Variants in TUSC3 observed in about 807,000 individuals in gnomAD.
The protein encoded by TUSC3 is dolichyl-diphosphooligosaccharide--protein glycosyltransferase subunit TUSC3.
Under a neutral mutation model 44.8 loss-of-function variants are expected in TUSC3, and 45 were observed. The ratio of observed to expected loss-of-function variants is 1.00; its 90% confidence interval spans 0.79 to 1.29. The LOEUF (loss-of-function observed/expected upper bound fraction) is 1.29, where lower values mean the gene tolerates loss of function less well. Ranked by LOEUF, TUSC3 falls within the 50% of genes most tolerant of loss-of-function variation. TUSC3 has a pLI of 0.00. For missense variants in TUSC3, 519 were observed against 437.9 expected (o/e 1.19, Z -1.65); for synonymous variants, 212 against 152.9 (o/e 1.39, Z -2.85).
chr8:15,550,158 C>G (rs934599130), intron 1 of TUSC3, among the ~76,000 whole-genome samples: 1 of 151,680 alleles, frequency 6.6e-6, no homozygotes, highest in Non-Finnish European at 1.5e-5. Context: ...GGTCAGGGGT[C>G]GTTCTTTAAC....
At chr8:15,615,806 C>T (rs1321530133) in intron 1 of TUSC3, among the ~76,000 whole-genome samples, 3 of 151,892 alleles carry the variant, frequency 2.0e-5, no homozygotes, top group African/African-American at 4.8e-5. Context: ...TAAAATACTA[C>T]AAAAATGAGT....
intron 6 of TUSC3, among the ~76,000 whole-genome samples, chr8:15,727,995 T>C (rs1367963060): frequency 1.3e-5 from 2 of 152,194 alleles, no homozygotes; most frequent in African/African-American, 4.8e-5. Context: ...GCCTTATGTA[T>C]ACAAGAAATA....
chr8:15,831,297 T>A, the TUSC3 span, among the ~76,000 whole-genome samples: 13 of 151,922 alleles, frequency 8.6e-5, no homozygotes, highest in Non-Finnish European at 1.6e-4. Context: ...AGAAAAAACA[T>A]CCAAAGGTCA....
the TUSC3 span, among the ~76,000 whole-genome samples, chr8:15,774,838 G>A: frequency 3.3e-5 from 5 of 151,958 alleles, no homozygotes; most frequent in African/African-American, 9.7e-5. Flanking sequence ...GAAAATGTTG[G>A]TGCAGATGTG....
rs1013605044 is a variant in TUSC3, at chr8:15,571,430, A to G, written c.138+30862A>G. Among the ~76,000 whole-genome samples, 16 of 152,306 alleles carry G rather than the reference A, an allele frequency of 1.1e-4. No individual in the cohort carries two copies. The East Asian group carries it at 2.7e-3, about 26-fold the overall frequency. The stretch of plus-strand genomic sequence containing the variant: ...TTAGGTTTACACTGTATTGTTGTCT[A>G]TTAAATGTGCAATAGCACTCTGTCT... On this transcript the variant is annotated intron_variant, in intron 1 of 10. Coordinates refer to ENST00000503731, the MANE Select transcript of TUSC3 (RefSeq NM_006765.4).
chr8:15,575,997 T>C (rs192171253), intron 1 of TUSC3, among the ~76,000 whole-genome samples: 1 of 152,070 alleles, frequency 6.6e-6, no homozygotes, highest in Non-Finnish European at 1.5e-5. Flanking sequence ...TATAACTGTT[T>C]CACATTTTGA....
rs184475438 is a variant in TUSC3 at position 15,683,338 on chromosome 8, C to T, written c.798+9502C>T. Reference sequence around the variant, plus strand: ...TATTTCTCAGAGGCTTTGTTCATTTCTTAAAATTATTTTTTCTTTATTTTT... The same window carrying T: ...TATTTCTCAGAGGCTTTGTTCATTTTTTAAAATTATTTTTTCTTTATTTTT... On this transcript the variant is annotated intron_variant, in intron 6 of 10. Transcript: ENST00000503731. 4.4e-3 allele frequency among the ~76,000 whole-genome samples: 664 copies of T among 152,154 alleles called. 3 individuals carry two copies. The highest frequency in any genetic ancestry group is 7.4e-3 in the Non-Finnish European group (500 of 67,970).
chr8:15,509,103 A>T (rs905884150), intron 2 of TUSC3, among the ~76,000 whole-genome samples: 1 of 152,190 alleles, frequency 6.6e-6, no homozygotes, highest in Non-Finnish European at 1.5e-5. Flanking sequence ...GAGAGAAAAA[A>T]GAATAGCTGA....
At chr8:15,632,352 A>AGG (rs1381629704) in intron 2 of TUSC3, among the ~76,000 whole-genome samples, 1 of 152,164 alleles carries the variant, frequency 6.6e-6, no homozygotes, top group East Asian at 1.9e-4. Context: ...ATTATATTCA[A>AGG]GGGAAGAGTA....
At chr8:15,741,432 G>T (rs1038218729) in intron 7 of TUSC3, among the ~76,000 whole-genome samples, 3 of 152,142 alleles carry the variant, frequency 2.0e-5, no homozygotes, top group Non-Finnish European at 4.4e-5. Flanking sequence ...ATAGTAGCTG[G>T]GCGCGGTGGC....
intron 1 of TUSC3, among the ~76,000 whole-genome samples, chr8:15,600,838 T>C (rs1011835066): frequency 6.6e-6 from 1 of 151,748 alleles, no homozygotes; most frequent in African/African-American, 2.4e-5. Flanking sequence ...TCTTTGTAGA[T>C]TGGTTAAATG....
intron 1 of TUSC3, among the ~76,000 whole-genome samples, chr8:15,542,749 A>G (rs1438335122): frequency 6.6e-6 from 1 of 152,220 alleles, no homozygotes; most frequent in Non-Finnish European, 1.5e-5. Flanking sequence ...TAGGGAGAAC[A>G]TTGTTGAGGA....
At chr8:15,673,988 A>G (rs1240183314) in intron 6 of TUSC3, 152 bp downstream of exon 6, 1 of 636,066 alleles carries the variant, frequency 1.6e-6, no homozygotes, top group Non-Finnish European at 2.7e-6. Flanking sequence ...ACCTATATAC[A>G]CATGTGCATA....
At chr8:15,772,171 A>G in the TUSC3 span, among the ~76,000 whole-genome samples, 2 of 152,096 alleles carry the variant, frequency 1.3e-5, no homozygotes, top group African/African-American at 4.8e-5. Flanking sequence ...AAACAAACCC[A>G]AAACAAGCAG....
intron 2 of TUSC3, among the ~76,000 whole-genome samples, chr8:15,528,732 T>A (rs933369356): frequency 3.9e-5 from 6 of 152,220 alleles, no homozygotes; most frequent in Non-Finnish European, 5.9e-5. Flanking sequence ...TTAATTTTTT[T>A]TAAATTGCTA....
At chr8:15,508,472 T>C (rs1379830291) in intron 2 of TUSC3, among the ~76,000 whole-genome samples, 2 of 139,548 alleles carry the variant, frequency 1.4e-5, no homozygotes, top group African/African-American at 5.3e-5. Context: ...TTTTTTTTTT[T>C]TTTTTTTTGA....
intron 1 of TUSC3, among the ~76,000 whole-genome samples, chr8:15,426,715 A>G (rs1799808638): frequency 6.6e-6 from 1 of 152,190 alleles, no homozygotes. Flanking sequence ...TCTCTCCAAG[A>G]TCCTGATTTT....
rs1358169360 is a variant in TUSC3, at chr8:15,512,885, T to TATAC, written n.189+29403_189+29404insTACA. Among the ~76,000 whole-genome samples the TATAC allele has an allele frequency of 5.3e-3, 752 of 142,812 alleles. 16 individuals carry two copies. The highest frequency in any genetic ancestry group is 0.018 in the African/African-American group (671 of 37,950). 93.7% of individuals were successfully genotyped at this position (142,812 alleles called of 152,430 possible). Reference sequence around the variant, plus strand: ...ATATATGTGTGTGTATATATATATATACACACAATTCTCTCGGTGTATATA... The same window carrying TATAC: ...ATATATGTGTGTGTATATATATATATATACACACACAATTCTCTCGGTGTATATA... On this transcript the variant is annotated intron_variant and non_coding_transcript_variant, in intron 2 of 5. Transcript: ENST00000503191.
At chr8:15,785,059 T>A in the TUSC3 span, among the ~76,000 whole-genome samples, 2 of 151,986 alleles carry the variant, frequency 1.3e-5, no homozygotes, top group Non-Finnish European at 1.5e-5. Flanking sequence ...TGCATTTTTT[T>A]AAAAGAAGAA....
Sources: gnomAD v4.1 joint callset for allele counts (sites outside exome capture counted in the v4.1 genomes callset) on GRCh38, gnomAD v4.1.1 for gene constraint, MANE v1.5 for transcripts, NCBI Gene and HGNC (gene_info 2026-07-23, HGNC 2026-07-21) for gene names.